CNTNAP4: variants seen among roughly 807,000 people sequenced by gnomAD.
CNTNAP4 encodes contactin-associated protein-like 4.
A neutral mutation model predicts 148.4 loss-of-function variants in CNTNAP4; 98 were observed. That is an observed-to-expected ratio of 0.66 (90% CI 0.56 to 0.78). CNTNAP4 has a LOEUF of 0.78. Ranked by LOEUF, CNTNAP4 falls within the 30% of genes least tolerant of loss-of-function variation. CNTNAP4 has a pLI of 0.00. For missense variants in CNTNAP4, 1,935 were observed against 1,565.6 expected, an observed-to-expected ratio of 1.24 and a Z score of -3.98; for synonymous variants, 730 against 565.1, an observed-to-expected ratio of 1.29 and a Z score of -4.14.
At chr16:76,358,011 T>G (rs1404897557) in intron 3 of CNTNAP4, among the ~76,000 whole-genome samples, 1 of 152,074 alleles carries the variant, frequency 6.6e-6, no homozygotes, top group South Asian at 2.1e-4. Flanking sequence ...TTGTCCAAAT[T>G]TCTGGAAGGT....
At chr16:76,285,837 A>G (rs1214028764) in intron 1 of CNTNAP4, among the ~76,000 whole-genome samples, 1 of 151,938 alleles carries the variant, frequency 6.6e-6, no homozygotes, top group East Asian at 1.9e-4. Context: ...CTTAGGGTTG[A>G]TAGTTGCTTG....
intron 4 of CNTNAP4, among the ~76,000 whole-genome samples, chr16:76,435,014 C>T (rs2079765942): frequency 6.6e-6 from 1 of 152,160 alleles, no homozygotes; most frequent in African/African-American, 2.4e-5. Context: ...TGATTATTTT[C>T]CTTTCCCCAG....
chr16:76,525,116 T>A (rs565531341), intron 17 of CNTNAP4, among the ~76,000 whole-genome samples: 29 of 152,248 alleles, frequency 1.9e-4, no homozygotes, highest in African/African-American at 6.5e-4. Flanking sequence ...AAAACAGTGC[T>A]TGCAAGACAA....
intron 1 of CNTNAP4, among the ~76,000 whole-genome samples, chr16:76,294,758 C>A (rs1007774993): frequency 6.6e-6 from 1 of 152,104 alleles, no homozygotes; most frequent in Non-Finnish European, 1.5e-5. Flanking sequence ...ATTCACTCAA[C>A]AAATAGTTAG....
intron 3 of CNTNAP4, among the ~76,000 whole-genome samples, chr16:76,380,899 C>T (rs147763240): frequency 1.6e-3 from 245 of 152,220 alleles, no homozygotes; most frequent in Middle Eastern, 6.8e-3. Context: ...AAAATTATGA[C>T]CTATCATGAA....
At chr16:76,537,726 A>G (rs1437696451) in intron 18 of CNTNAP4, among the ~76,000 whole-genome samples, 1 of 152,116 alleles carries the variant, frequency 6.6e-6, no homozygotes, top group African/African-American at 2.4e-5. Flanking sequence ...TATTTTGTAG[A>G]TAGGAGGCCC....
intron 2 of CNTNAP4, among the ~76,000 whole-genome samples, chr16:76,339,456 A>G (rs976831130): frequency 6.6e-6 from 1 of 152,182 alleles, no homozygotes; most frequent in Non-Finnish European, 1.5e-5. Context: ...ATACTAGATG[A>G]CATTAATATT....
At chr16:76,516,722 G>C (rs2083266782) in intron 15 of CNTNAP4, among the ~76,000 whole-genome samples, 1 of 152,222 alleles carries the variant, frequency 6.6e-6, no homozygotes, top group Admixed American at 6.5e-5. Context: ...CTCAGCAGTA[G>C]AAAGAGATGA....
chr16:76,523,352 T>C (rs1004488123), intron 17 of CNTNAP4, among the ~76,000 whole-genome samples: 1 of 150,916 alleles, frequency 6.6e-6, no homozygotes, highest in African/African-American at 2.4e-5. Context: ...CACCAGTTCC[T>C]CTGCTATTTT....
chr16:76,460,489 C>T (rs8063681), intron 8 of CNTNAP4, among the ~76,000 whole-genome samples: 51,880 of 147,230 alleles, frequency 0.35, 10,301 homozygotes, highest in Non-Finnish European at 0.45. Flanking sequence ...GGGCCAGGCG[C>T]GGTGGCTCAC....
intron 2 of CNTNAP4, among the ~76,000 whole-genome samples, chr16:76,331,639 T>C (rs1963536107): frequency 6.6e-6 from 1 of 152,206 alleles, no homozygotes; most frequent in Non-Finnish European, 1.5e-5. Flanking sequence ...TTGTCTCTCC[T>C]CTTTTGTATG....
chr16:76,377,968 ATAAAT>A (rs911087985), intron 3 of CNTNAP4, among the ~76,000 whole-genome samples: 7 of 152,210 alleles, frequency 4.6e-5, no homozygotes, highest in Admixed American at 1.3e-4. Context: ...TTCTAGAAGA[ATAAAT>A]TAAAGTTTTC....
intron 4 of CNTNAP4, among the ~76,000 whole-genome samples, chr16:76,433,660 C>T (rs762679810): frequency 6.6e-6 from 1 of 152,134 alleles, no homozygotes; most frequent in African/African-American, 2.4e-5. Flanking sequence ...ATTCAGGATG[C>T]TAATCTCTCA....
intron 4 of CNTNAP4, among the ~76,000 whole-genome samples, chr16:76,440,872 C>G (rs1022218052): frequency 6.6e-6 from 1 of 152,032 alleles, no homozygotes; most frequent in Non-Finnish European, 1.5e-5. Flanking sequence ...TTTCAAGTGA[C>G]AACCCCTCAA....
chr16:76,448,708 C>CT (rs879219060), intron 5 of CNTNAP4, 59 bp from the exon 6 acceptor site: 120,068 of 906,196 alleles, frequency 0.13, no homozygotes, highest in Non-Finnish European at 0.14. Context: ...AGAAGGGAAC[C>CT]TTTTTTTTTT....
intron 15 of CNTNAP4, among the ~76,000 whole-genome samples, chr16:76,511,838 GGAGAGAGA>G (rs61708542): frequency 1.5e-3 from 222 of 148,162 alleles, no homozygotes; most frequent in Non-Finnish European, 2.6e-3. Context: ...ATATTTTCTT[GGAGAGAGA>G]GAGAGAGAGA....
In CNTNAP4 at chr16:76,550,601, A is replaced by G. The variant is rs542225186; in HGVS notation, c.3443-2682A>G. 2.6e-5 allele frequency among the ~76,000 whole-genome samples: 4 copies of G among 150,956 alleles called. No homozygotes were observed. The South Asian group carries it at 8.5e-4, about 32-fold the overall frequency. On this transcript the variant is annotated intron_variant, in intron 21 of 23. Transcript: ENST00000611870. ...ACCTTGTAGAAGAAATGTGAAAAGC[A>G]CTCTCCCAATTATGCTCCTATGAGA...
At chr16:76,359,903 T>G (rs899796116) in intron 3 of CNTNAP4, among the ~76,000 whole-genome samples, 1 of 152,210 alleles carries the variant, frequency 6.6e-6, no homozygotes, top group Non-Finnish European at 1.5e-5. Context: ...TCTTAGAAAT[T>G]ATTTTAAATA....
chr16:76,466,298 A>T (rs1328611881), intron 9 of CNTNAP4, among the ~76,000 whole-genome samples: 1 of 152,182 alleles, frequency 6.6e-6, no homozygotes, highest in Non-Finnish European at 1.5e-5. Flanking sequence ...GAGATTGTTA[A>T]TGGGTACAAA....
Sources: gnomAD v4.1 joint callset for allele counts (sites outside exome capture counted in the v4.1 genomes callset) on GRCh38, gnomAD v4.1.1 for gene constraint, MANE v1.5 for transcripts, NCBI Gene and HGNC (gene_info 2026-07-23, HGNC 2026-07-21) for gene names.